SCP2: variants seen among roughly 807,000 people sequenced by gnomAD.
SCP2 encodes the protein SCP-2/3-oxoacyl-CoA thiolase.
Under a neutral mutation model 71.4 loss-of-function variants are expected in SCP2, and 48 were observed. The ratio of observed to expected loss-of-function variants is 0.67; its 90% CI spans 0.53 to 0.86. The LOEUF (loss-of-function observed/expected upper bound fraction) is 0.86. Ranked by LOEUF, SCP2 falls within the 40% of genes least tolerant of loss-of-function variation. The probability of loss-of-function intolerance (pLI) is 0.00; values close to 1 mark genes in which losing one functional copy is unlikely to be tolerated. For synonymous variants in SCP2, 220 were observed against 218.1 expected (o/e 1.01, Z -0.08); for missense variants, 560 against 655.6 (o/e 0.85, Z 1.59).
At chr1:52,975,700 A>C in intron 7 of SCP2, among the ~76,000 whole-genome samples, 1 of 152,154 alleles carries the variant, frequency 6.6e-6, no homozygotes, top group East Asian at 1.9e-4. Context: ...AGGTGATTTG[A>C]TTTTGCTTTT....
rs148814719 is a variant in SCP2 at position 53,039,116 on chromosome 1, G to A, written c.1468+70G>A. 120 of 1,577,316 alleles carry A rather than the reference G, an allele frequency of 7.6e-5. 1 individual carries two copies. In the East Asian group the frequency reaches 2.7e-3, roughly 35 times the overall value. ...CGAAGGCTGTCAGCTGGGAAAATGG[G>A]GGTCTGCTTTACTGTTCCCAAAAAG... On this transcript the variant is annotated intron_variant, in intron 14 of 15. Transcript: ENST00000371514.
intron 9 of SCP2, among the ~76,000 whole-genome samples, chr1:52,979,888 TTCCC>T (rs946141284): frequency 2.0e-5 from 3 of 151,898 alleles, no homozygotes; most frequent in African/African-American, 4.8e-5. Context: ...CTGACCCTCC[TTCCC>T]TCCCTCCCTC....
At position 52,980,467 on chromosome 1, in the gene SCP2, T is replaced by G. The variant is rs1284682767; in HGVS notation, c.897T>G (p.Ile299Met). 6.2e-7 allele frequency: 1 copy of G among 1,613,796 alleles called. No individual in the cohort carries two copies. The highest frequency in any genetic ancestry group is 1.3e-5 in the African/African-American group (1 of 74,918). Reference protein sequence around the residue: ...YEKSGLTPNDIDVIELHDCFS... With the variant: ...YEKSGLTPNDMDVIELHDCFS... ...AATCTGGCCTGACACCAAATGATATTGACGTAATAGAACTTCACGATTGCT... is the reference window on the plus strand; with the variant it reads ...AATCTGGCCTGACACCAAATGATATGGACGTAATAGAACTTCACGATTGCT... The change falls in exon 10 of 16, where the codon ATT becomes ATG. Residue 299 changes from isoleucine (I) to methionine (M), a missense_variant. Ile to Met is a conservative substitution (Grantham distance 10). Coordinates refer to ENST00000371514, the MANE Select transcript of SCP2 (RefSeq NM_002979.5).
At chr1:53,025,743 C>G (rs1662083499) in intron 12 of SCP2, among the ~76,000 whole-genome samples, 1 of 152,250 alleles carries the variant, frequency 6.6e-6, no homozygotes, top group South Asian at 2.1e-4. Context: ...AGCCTCCTAA[C>G]TAGTGCCCAC....
intron 2 of SCP2, among the ~76,000 whole-genome samples, chr1:52,942,694 G>GTTTT (rs147939561): frequency 9.1e-5 from 11 of 120,562 alleles, no homozygotes; most frequent in Non-Finnish European, 1.5e-4. Flanking sequence ...AATTTAACAG[G>GTTTT]TTTTTTTTTT....
chr1:52,927,616 G>A, intron 1 of SCP2, 151 bp downstream of exon 1: 1 of 661,882 alleles, frequency 1.5e-6, no homozygotes, highest in Non-Finnish European at 2.7e-6. Flanking sequence ...GGAATCTCTG[G>A]GGTCATAGCG....
intron 11 of SCP2, among the ~76,000 whole-genome samples, chr1:53,000,252 C>CAAAA (rs34392119): frequency 5.4e-5 from 5 of 92,066 alleles, no homozygotes; most frequent in East Asian, 2.4e-4. Context: ...TAGTTTCTAC[C>CAAAA]AAAAAAAAAA....
chr1:52,993,240 G>A (rs1241771590), intron 11 of SCP2: 16 of 1,613,916 alleles, frequency 9.9e-6, no homozygotes, highest in South Asian at 2.2e-5. Flanking sequence ...TTTTCTTTCC[G>A]TGTTGGTTCT....
chr1:52,961,860 A>T (rs988290705), intron 6 of SCP2, among the ~76,000 whole-genome samples: 5 of 152,198 alleles, frequency 3.3e-5, no homozygotes, highest in African/African-American at 1.2e-4. Context: ...GGAAGTTGAA[A>T]TAGGAAAAAT....
At chr1:53,042,242 A>G (rs1268377443) in intron 14 of SCP2, among the ~76,000 whole-genome samples, 1 of 151,982 alleles carries the variant, frequency 6.6e-6, no homozygotes, top group Non-Finnish European at 1.5e-5. Context: ...TTAGAAATAG[A>G]ACTTCAGGAA....
At chr1:53,044,737 C>T (rs1046263696) in intron 14 of SCP2, among the ~76,000 whole-genome samples, 2 of 152,198 alleles carry the variant, frequency 1.3e-5, no homozygotes, top group African/African-American at 4.8e-5. Context: ...TTGCCTAAAA[C>T]GTTGACTGCT....
chr1:53,008,795 GA>G (rs1660801589), intron 11 of SCP2, among the ~76,000 whole-genome samples: 1 of 152,158 alleles, frequency 6.6e-6, no homozygotes, highest in Non-Finnish European at 1.5e-5. Context: ...TCAGGCAGGA[GA>G]AAGAAATAAA....
At chr1:52,988,742 G>A (rs1342160299) in intron 11 of SCP2, among the ~76,000 whole-genome samples, 1 of 148,218 alleles carries the variant, frequency 6.7e-6, no homozygotes, top group Non-Finnish European at 1.5e-5. Context: ...CTGGAAAGAA[G>A]TGGCACAATT....
chr1:53,024,791 C>T (rs1361680417), intron 12 of SCP2, among the ~76,000 whole-genome samples: 3 of 151,988 alleles, frequency 2.0e-5, no homozygotes, highest in Admixed American at 6.5e-5. Context: ...AGGCTGGTCT[C>T]GAACTCCTGA....
chr1:53,030,349 A>G (rs1164110279), intron 13 of SCP2, among the ~76,000 whole-genome samples: 3 of 152,200 alleles, frequency 2.0e-5, no homozygotes, highest in Non-Finnish European at 4.4e-5. Context: ...AGCTATGATC[A>G]ATTTAATATA....
At chr1:52,981,946 A>AT (rs1277161107) in intron 10 of SCP2, among the ~76,000 whole-genome samples, 1 of 151,742 alleles carries the variant, frequency 6.6e-6, no homozygotes, top group East Asian at 1.9e-4. Flanking sequence ...GTCCCCTGTA[A>AT]TTTTTGTTCC....
chr1:52,993,679 A>C (rs1028223507), intron 11 of SCP2: 10 of 1,612,188 alleles, frequency 6.2e-6, no homozygotes, highest in Non-Finnish European at 7.6e-6. Flanking sequence ...CATTGGTTGG[A>C]TCATAATCCG....
At chr1:53,039,968 C>G (rs1347582632) in intron 14 of SCP2, among the ~76,000 whole-genome samples, 6 of 152,208 alleles carry the variant, frequency 3.9e-5, no homozygotes, top group African/African-American at 1.4e-4. Flanking sequence ...CCTGCTGTTG[C>G]AATTGGTAAA....
rs1572240272 is a variant in SCP2 at position 53,047,882 on chromosome 1, C to A, written c.1493C>A (p.Thr498Lys). The change falls in exon 15 of 16, where the codon ACA (threonine) becomes AAA (lysine). Residue 498 changes from threonine (T) to lysine (K), a missense_variant. Thr to Lys is a moderately conservative substitution (Grantham distance 78, BLOSUM62 -1). This residue lies in a region of SCP2 where 43 missense variants were observed against 65.9 expected (regional missense o/e 0.65). Coordinates refer to ENST00000371514, the MANE Select transcript of SCP2 (RefSeq NM_002979.5). ...NSDKKADCTI[T>K]MADSDFLALM... The stretch of plus-strand genomic sequence containing the variant: ...GATAAGAAGGCTGACTGCACAATCA[C>A]AATGGCTGACTCAGACTTCCTGGCT... The A allele has an allele frequency of 3.7e-6, 6 of 1,613,336 alleles. No homozygotes were observed. Among genetic ancestry groups the A allele is most frequent in the Non-Finnish European group, 5.1e-6 (6 of 1,179,252 alleles).
Sources: gnomAD v4.1 joint callset for allele counts (sites outside exome capture counted in the v4.1 genomes callset) on GRCh38, gnomAD v4.1.1 for gene constraint, gnomAD v4.1.1 regional missense constraint, MANE v1.5 for transcripts, NCBI Gene and HGNC (gene_info 2026-07-23, HGNC 2026-07-21) for gene names.